PRRG4: variants seen among roughly 807,000 people sequenced by gnomAD.
PRRG4 encodes the protein proline rich and Gla domain 4.
PRRG4 carries 12 observed loss-of-function variants against 20.0 expected under a neutral mutation model. The ratio of observed to expected loss-of-function variants is 0.60; its 90% confidence interval spans 0.38 to 0.97. The LOEUF (loss-of-function observed/expected upper bound fraction) is 0.97, where lower values mean the gene tolerates loss of function less well. Among genes scored for constraint, PRRG4 ranks in the 50% least tolerant of loss-of-function variants. The pLI is 0.00. For missense variants in PRRG4, 199 were observed against 265.1 expected (o/e 0.75, Z 1.73); for synonymous variants, 94 against 96.4 (o/e 0.98, Z 0.15).
chr11:32,844,467 CTATTATTATTAT>C (rs148170116), intron 5 of PRRG4, among the ~76,000 whole-genome samples: 61,302 of 142,910 alleles, frequency 0.43, 13,517 homozygotes, highest in East Asian at 0.62. Flanking sequence ...TAAATGTTAG[CTATTATTATTAT>C]TATTATTATT....
Position 32,853,277 on chromosome 11 carries a change from A to G in PRRG4, c.450-19A>G. 1.9e-6 allele frequency: 3 copies of G among 1,584,208 alleles called. No individual in the cohort carries two copies. Among genetic ancestry groups the G allele is most frequent in the African/African-American group, 1.3e-5 (1 of 74,422 alleles). ...AAAATGCTACCTTTCCTAGACCTAA[A>G]TGTTGTCTCTCTGCTTAGCTCTTCA... On this transcript the variant is annotated intron_variant, in intron 5 of 5. Coordinates refer to ENST00000257836, the MANE Select transcript of PRRG4 (RefSeq NM_024081.6).
Position 32,855,399 on chromosome 11 carries a change from T to C in PRRG4, c.*1872T>C, listed in dbSNP as rs965047412. On this transcript the variant is annotated 3_prime_UTR_variant, in exon 6 of 6. Transcript: ENST00000257836. ...TTTATGTTTTTGCCAGGCTATTACA[T>C]TTTCTTATCATTTAGGATCACTTAT... 5.3e-5 allele frequency: 8 copies of C among 152,226 alleles called. 2 individuals carry two copies. The highest frequency in any genetic ancestry group is 4.6e-4 in the Admixed American group (7 of 15,270). 9.4% of individuals were successfully genotyped at this position (152,226 alleles called of 1,614,324 possible). A position where few individuals can be genotyped will look rare whatever the true frequency, so the allele number is the denominator to read the frequency against.
At position 32,840,851 on chromosome 11, in the gene PRRG4, C is replaced by T. The variant is rs1590672157; in HGVS notation, c.449+612C>T. ...GGCTACCCAAATAGAAACAGTGTAA[C>T]TGGCTTTTAAATTCAACTATTTTTA... On this transcript the variant is annotated intron_variant, in intron 5 of 5. Coordinates refer to ENST00000257836, the MANE Select transcript of PRRG4 (RefSeq NM_024081.6). The surrounding 1 kb of genome is among the most constrained non-coding windows in gnomAD (Gnocchi z 4.1). Among the ~76,000 whole-genome samples the T allele has an allele frequency of 1.3e-5, 2 of 152,170 alleles. No individual in the cohort carries two copies. The highest frequency in any genetic ancestry group is 3.8e-4 in the East Asian group (2 of 5,202).
chr11:32,856,193 C>A lies in PRRG4; in HGVS notation c.*2666C>A, dbSNP rs981308176. 6.6e-6 allele frequency: 1 copy of A among 152,030 alleles called. No individual in the cohort carries two copies. Among genetic ancestry groups the A allele is most frequent in the Non-Finnish European group, 1.5e-5 (1 of 68,010 alleles). The allele number at this position is 152,030 out of a possible 1,614,324, so 9.4% of individuals were successfully genotyped here. Reference sequence around the variant, plus strand: ...CATAATTTGAAATATTTCATGAATTCATTTACTTCTATTGACTCCCAAAAT... The same window carrying A: ...CATAATTTGAAATATTTCATGAATTAATTTACTTCTATTGACTCCCAAAAT... On this transcript the variant is annotated 3_prime_UTR_variant, in exon 6 of 6. Transcript: ENST00000257836.
rs1248282601 is a variant in PRRG4 at position 32,837,538 on chromosome 11, G to GATTATT, written c.267+719_267+720insTATTAT. Among the ~76,000 whole-genome samples, 434 of 90,888 alleles carry GATTATT rather than the reference G, an allele frequency of 4.8e-3. 3 individuals carry two copies. The highest frequency in any genetic ancestry group is 0.026 in the East Asian group (73 of 2,790). 59.6% of individuals were successfully genotyped at this position (90,888 alleles called of 152,430 possible). On this transcript the variant is annotated intron_variant, in intron 3 of 5. Transcript: ENST00000257836. ...TGATGATGATGATGATGATGATGAT[G>GATTATT]ATGATTATTATTATTATTATTATTA...
rs1026820996 is a variant in PRRG4, at chr11:32,830,278, C to A, written c.-23+105C>A. 4 of 926,694 alleles carry A rather than the reference C, an allele frequency of 4.3e-6. No homozygotes were observed. In the African/African-American group the frequency reaches 5.2e-5, roughly 12 times the overall value. 57.4% of individuals were successfully genotyped at this position (926,694 alleles called of 1,614,324 possible). A position where few individuals can be genotyped will look rare whatever the true frequency, so the allele number is the denominator to read the frequency against. Reference sequence around the variant, plus strand: ...AACACATAGCGAGGGTTGCCCGCGGCGACAGGTGCCCGATCAGCCCTCGGC... The same window carrying A: ...AACACATAGCGAGGGTTGCCCGCGGAGACAGGTGCCCGATCAGCCCTCGGC... On this transcript the variant is annotated intron_variant, in intron 1 of 5. Coordinates refer to ENST00000257836, the MANE Select transcript of PRRG4 (RefSeq NM_024081.6).
At chr11:32,845,316 A>G (rs890946733) in intron 5 of PRRG4, among the ~76,000 whole-genome samples, 13 of 152,228 alleles carry the variant, frequency 8.5e-5, no homozygotes, top group African/African-American at 2.6e-4. Flanking sequence ...AGCAACTTGG[A>G]TATAAACTTG....
At chr11:32,849,256 A>G (rs576527361) in intron 5 of PRRG4, among the ~76,000 whole-genome samples, 1 of 152,234 alleles carries the variant, frequency 6.6e-6, no homozygotes, top group African/African-American at 2.4e-5. Flanking sequence ...GCTACTTGGA[A>G]GGCTGAGGTG....
rs932518465 is a variant in PRRG4, at chr11:32,857,421, G to A, written c.*3894G>A. ...CCGCCTCAGCCTCCCAAAGGGCTGGGATTACAGGCGTGAGCCACTGTGCCT... is the reference window on the plus strand; with the variant it reads ...CCGCCTCAGCCTCCCAAAGGGCTGGAATTACAGGCGTGAGCCACTGTGCCT... On this transcript the variant is annotated 3_prime_UTR_variant, in exon 6 of 6. Transcript: ENST00000257836. 1 of 152,426 alleles carries A rather than the reference G, an allele frequency of 6.6e-6. No individual in the cohort carries two copies. Among genetic ancestry groups the A allele is most frequent in the African/African-American group, 2.4e-5 (1 of 41,464 alleles). The allele number at this position is 152,426 out of a possible 1,614,324, so 9.4% of individuals were successfully genotyped here.
chr11:32,856,058 C>T lies in PRRG4; in HGVS notation c.*2531C>T, dbSNP rs566382879. ...AATTTACAAGCATTTCTCATATATACATACATTTATATATGTACATGTTAC... is the reference window on the plus strand; with the variant it reads ...AATTTACAAGCATTTCTCATATATATATACATTTATATATGTACATGTTAC... On this transcript the variant is annotated 3_prime_UTR_variant, in exon 6 of 6. Transcript: ENST00000257836. 10 of 152,116 alleles carry T rather than the reference C, an allele frequency of 6.6e-5. No homozygotes were observed. The highest frequency in any genetic ancestry group is 1.5e-4 in the Non-Finnish European group (10 of 68,018). 9.4% of individuals were successfully genotyped at this position (152,116 alleles called of 1,614,324 possible).
At chr11:32,849,018 C>A (rs1851157510) in intron 5 of PRRG4, among the ~76,000 whole-genome samples, 1 of 150,460 alleles carries the variant, frequency 6.6e-6, no homozygotes, top group Admixed American at 6.6e-5. Context: ...AATTAAGATT[C>A]ACCTATTGGA....
intron 2 of PRRG4, among the ~76,000 whole-genome samples, chr11:32,831,448 A>C (rs1477904685): frequency 6.6e-6 from 1 of 152,088 alleles, no homozygotes; most frequent in East Asian, 1.9e-4. Context: ...AGTACTCCTA[A>C]CTGACTTTAT....
chr11:32,837,538 G>GATTATTATT (rs1248282601), intron 3 of PRRG4, among the ~76,000 whole-genome samples: 56 of 90,926 alleles, frequency 6.2e-4, no homozygotes, highest in East Asian at 3.2e-3. Flanking sequence ...TGATGATGAT[G>GATTATTATT]ATGATTATTA....
chr11:32,830,434 A>C, intron 1 of PRRG4, 74 bp from the exon 2 acceptor site: 1 of 1,183,516 alleles, frequency 8.4e-7, no homozygotes, highest in African/African-American at 1.6e-5. Context: ...CAGGTTGGTG[A>C]TTCAGTTCGA....
chr11:32,836,583 T>G (rs1851021208), intron 2 of PRRG4, 75 bp from the exon 3 acceptor site: 3 of 887,696 alleles, frequency 3.4e-6, no homozygotes, highest in South Asian at 4.9e-5. Flanking sequence ...AACTATTCAC[T>G]TTTTTCCACA....
Position 32,840,080 on chromosome 11 carries a change from T to G in PRRG4, c.317-27T>G, listed in dbSNP as rs758027442. The G allele has an allele frequency of 1.1e-5, 17 of 1,526,192 alleles. No individual in the cohort carries two copies. The African/African-American group carries it at 1.8e-4, about 16-fold the overall frequency. 94.5% of individuals were successfully genotyped at this position (1,526,192 alleles called of 1,614,324 possible). Reference sequence around the variant, plus strand: ...GGTGATGCTATATAGTTGTTATATTTATGTTATTTTAATGATTTATTTTAA... The same window carrying G: ...GGTGATGCTATATAGTTGTTATATTGATGTTATTTTAATGATTTATTTTAA... On this transcript the variant is annotated intron_variant, in intron 4 of 5. Transcript: ENST00000257836. This position sits in a 1 kb window ranked among gnomAD's most constrained non-coding sequence, Gnocchi z 4.1.
chr11:32,836,574 A>G (rs1851021147), intron 2 of PRRG4, 84 bp from the exon 3 acceptor site: 1 of 734,712 alleles, frequency 1.4e-6, no homozygotes, highest in Non-Finnish European at 2.1e-6. Context: ...CATCAAGAGA[A>G]CTATTCACTT....
intron 5 of PRRG4, among the ~76,000 whole-genome samples, chr11:32,845,962 C>T (rs2133447435): frequency 6.6e-6 from 1 of 152,100 alleles, no homozygotes; most frequent in African/African-American, 2.4e-5. Context: ...TGAGATCAGC[C>T]TGGGCAACAT....
intron 5 of PRRG4, among the ~76,000 whole-genome samples, chr11:32,849,774 CA>C (rs1284417974): frequency 6.6e-6 from 1 of 152,156 alleles, no homozygotes; most frequent in Non-Finnish European, 1.5e-5. Context: ...GAGCTGCCAG[CA>C]AAGACAGAAG....
Sources: allele counts gnomAD v4.1 joint callset (sites outside exome capture counted in the v4.1 genomes callset), GRCh38; gene constraint gnomAD v4.1.1; non-coding constraint Gnocchi (gnomAD v3.1); transcripts MANE v1.5; gene names NCBI Gene and HGNC (gene_info 2026-07-23, HGNC 2026-07-21).